MECOM: variants seen among roughly 807,000 people sequenced by gnomAD.
The protein encoded by MECOM is MDS1 and EVI1 complex locus.
MECOM carries 13 observed loss-of-function variants against 116.3 expected under a neutral mutation model. That is an observed-to-expected ratio of 0.11 (90% CI 0.07 to 0.18). MECOM has a LOEUF of 0.18. MECOM is among the 10% of genes least tolerant of loss of function. The probability of loss-of-function intolerance (pLI) is 1.00; values close to 1 mark genes in which losing one functional copy is unlikely to be tolerated. For missense variants in MECOM, 1,299 were observed against 1,509.0 expected, an observed-to-expected ratio of 0.86 and a Z score of 2.31; for synonymous variants, 528 against 535.2, an observed-to-expected ratio of 0.99 and a Z score of 0.19.
chr3:169,556,179 A>G (rs1191878440), intron 1 of MECOM, among the ~76,000 whole-genome samples: 2 of 152,162 alleles, frequency 1.3e-5, no homozygotes, highest in African/African-American at 4.8e-5. Context: ...TTGATGGCCA[A>G]TTAAAGCTAC....
intron 2 of MECOM, among the ~76,000 whole-genome samples, chr3:169,216,052 T>G (rs181123322): frequency 2.9e-4 from 44 of 152,356 alleles, no homozygotes; most frequent in Admixed American, 2.5e-3. Flanking sequence ...TATTTAGCAT[T>G]TGCCATGAGT....
intron 2 of MECOM, among the ~76,000 whole-genome samples, chr3:169,259,362 C>A (rs1391511486): frequency 6.6e-6 from 1 of 152,166 alleles, no homozygotes; most frequent in Non-Finnish European, 1.5e-5. Flanking sequence ...GAAGATCAGG[C>A]CTAAGGGCAT....
intron 2 of MECOM, among the ~76,000 whole-genome samples, chr3:169,376,351 A>T (rs754122736): frequency 3.3e-5 from 5 of 151,760 alleles, no homozygotes; most frequent in Admixed American, 2.6e-4. Flanking sequence ...AGAGAAAGAA[A>T]TAAAGAGTAT....
At chr3:169,462,809 G>C (rs1423076906) in intron 1 of MECOM, among the ~76,000 whole-genome samples, 2 of 151,930 alleles carry the variant, frequency 1.3e-5, no homozygotes, top group South Asian at 2.1e-4. Context: ...CTATATTCTA[G>C]GATTTACAGA....
At chr3:169,170,668 C>G (rs567662358) in intron 2 of MECOM, among the ~76,000 whole-genome samples, 3 of 152,234 alleles carry the variant, frequency 2.0e-5, no homozygotes, top group Middle Eastern at 6.8e-3. Context: ...CAACATTCCA[C>G]AAAGCTTCAC....
Position 169,160,287 on chromosome 3 carries a change from AT to A in MECOM, c.376-16456del, listed in dbSNP as rs559797222. Reference sequence around the variant, plus strand: ...GGGGAAAAACATTTTCTGAGAAAGGATTTTTTTGGAGACAGATAAAAAAAAA... The same window carrying A: ...GGGGAAAAACATTTTCTGAGAAAGGATTTTTTGGAGACAGATAAAAAAAAA... On this transcript the variant is annotated intron_variant, in intron 2 of 16. Coordinates refer to ENST00000651503, the MANE Select transcript of MECOM (RefSeq NM_004991.4). 4.6e-4 allele frequency among the ~76,000 whole-genome samples: 70 copies of A among 152,038 alleles called. No homozygotes were observed. The South Asian group carries it at 0.013, about 28-fold the overall frequency.
chr3:169,622,438 A>C (rs190773354), intron 1 of MECOM, among the ~76,000 whole-genome samples: 2 of 152,194 alleles, frequency 1.3e-5, no homozygotes, highest in Admixed American at 1.3e-4. Context: ...TTAGACTAAC[A>C]TCACTTCCAG....
Position 169,206,860 on chromosome 3 carries a change from G to T in MECOM, c.376-63028C>A, listed in dbSNP as rs139562754. On this transcript the variant is annotated intron_variant, in intron 2 of 16. Coordinates refer to ENST00000651503, the MANE Select transcript of MECOM (RefSeq NM_004991.4). ...ATACATAAAAAACAAATTCCAAGAT[G>T]ATTCTAGTGAATATCCAGAGTTAAC... Among the ~76,000 whole-genome samples, 317 of 151,890 alleles carry T rather than the reference G, an allele frequency of 2.1e-3. 2 individuals are homozygous for T. Among genetic ancestry groups the T allele is most frequent in the African/African-American group, 7.2e-3 (300 of 41,422 alleles).
At chr3:169,378,434 A>AGCGAGCGAGCG (rs1731511316) in intron 2 of MECOM, among the ~76,000 whole-genome samples, 1 of 81,626 alleles carries the variant, frequency 1.2e-5, no homozygotes, top group African/African-American at 8.2e-5. Context: ...AGAAAGAAAG[A>AGCGAGCGAGCG]AAGAAAGAAA....
At chr3:169,409,607 T>A (rs1737234049) in intron 1 of MECOM, among the ~76,000 whole-genome samples, 1 of 152,242 alleles carries the variant, frequency 6.6e-6, no homozygotes, top group Non-Finnish European at 1.5e-5. Context: ...TGCAGTACTT[T>A]ATTTTTCACT....
intron 2 of MECOM, among the ~76,000 whole-genome samples, chr3:169,176,035 C>T (rs1251784171): frequency 2.0e-5 from 3 of 151,786 alleles, no homozygotes; most frequent in African/African-American, 4.8e-5. Flanking sequence ...CTTTTGGCTT[C>T]CCTGGGCCAC....
chr3:169,649,479 C>T (rs1774613183), intron 1 of MECOM, among the ~76,000 whole-genome samples: 2 of 149,448 alleles, frequency 1.3e-5, no homozygotes, highest in East Asian at 2.0e-4. Context: ...TTCAGTATTC[C>T]AAGCTCACAA....
At chr3:169,455,288 A>G (rs1746283915) in intron 1 of MECOM, among the ~76,000 whole-genome samples, 1 of 152,176 alleles carries the variant, frequency 6.6e-6, no homozygotes, top group South Asian at 2.1e-4. Flanking sequence ...GCAACCAAAT[A>G]AAGTTATATG....
At chr3:169,617,494 T>C (rs1040577193) in intron 1 of MECOM, among the ~76,000 whole-genome samples, 1 of 152,214 alleles carries the variant, frequency 6.6e-6, no homozygotes, top group African/African-American at 2.4e-5. Context: ...TGGCAAAGTA[T>C]ACTGTATAGT....
intron 16 of MECOM, 146 bp downstream of exon 16, chr3:169,088,854 A>C: frequency 1.6e-6 from 1 of 634,340 alleles, no homozygotes; most frequent in Non-Finnish European, 2.4e-6. Flanking sequence ...AATACAGTAA[A>C]GATATGAACA....
chr3:169,249,313 T>C (rs1206450651), intron 2 of MECOM, among the ~76,000 whole-genome samples: 1 of 152,170 alleles, frequency 6.6e-6, no homozygotes, highest in African/African-American at 2.4e-5. Context: ...ACTTGACATC[T>C]AGTGCCACAA....
At chr3:169,218,315 G>A (rs992456516) in intron 2 of MECOM, among the ~76,000 whole-genome samples, 75 of 152,136 alleles carry the variant, frequency 4.9e-4, no homozygotes, top group African/African-American at 1.7e-3. Flanking sequence ...CAAGAGCTGG[G>A]TTGTTTAATT....
At chr3:169,258,931 T>C (rs1225891149) in intron 2 of MECOM, among the ~76,000 whole-genome samples, 1 of 152,228 alleles carries the variant, frequency 6.6e-6, no homozygotes. Context: ...AAGTGGTCAT[T>C]TCTAGCATTT....
chr3:169,482,801 TG>T (rs1751528936), intron 1 of MECOM, among the ~76,000 whole-genome samples: 1 of 152,240 alleles, frequency 6.6e-6, no homozygotes, highest in Non-Finnish European at 1.5e-5. Context: ...CACTGTGATA[TG>T]TTACATGTTT....
Sources: allele counts gnomAD v4.1 joint callset (sites outside exome capture counted in the v4.1 genomes callset), GRCh38; gene constraint gnomAD v4.1.1; transcripts MANE v1.5; gene names NCBI Gene and HGNC (gene_info 2026-07-23, HGNC 2026-07-21).